Variants in TDRD9 observed in about 807,000 individuals in gnomAD.
TDRD9 encodes tudor domain containing 9, also known as ATP-dependent RNA helicase TDRD9.
TDRD9 carries 124 observed loss-of-function variants against 172.6 expected under a neutral mutation model. The ratio of observed to expected loss-of-function variants is 0.72; its 90% CI spans 0.62 to 0.83. The LOEUF is 0.83. Ranked by LOEUF, TDRD9 falls within the 40% of genes least tolerant of loss-of-function variation. The probability of loss-of-function intolerance (pLI) is 0.00; values close to 1 mark genes in which losing one functional copy is unlikely to be tolerated. For missense variants in TDRD9, 1,479 were observed against 1,714.1 expected (o/e 0.86, Z 2.42); for synonymous variants, 619 against 617.1 (o/e 1.00, Z -0.05).
intron 31 of TDRD9, among the ~76,000 whole-genome samples, chr14:104,034,501 C>G (rs995850566): frequency 6.6e-6 from 1 of 152,168 alleles, no homozygotes; most frequent in African/African-American, 2.4e-5. Context: ...ACGTGCTGTT[C>G]TTTTAGGCCA....
At chr14:103,943,400 CAT>C (rs2031365376) in intron 1 of TDRD9, among the ~76,000 whole-genome samples, 2 of 150,102 alleles carry the variant, frequency 1.3e-5, no homozygotes, top group Non-Finnish European at 1.5e-5. Flanking sequence ...TATATATGTA[CAT>C]ATATGTATAT....
In TDRD9 at chr14:104,022,293, G is replaced by A. The variant is rs2034979313; in HGVS notation, c.2569G>A (p.Val857Met). ...VHSAEEIEGKVQGMNVSKLRN... is the reference protein window; with the variant it reads ...VHSAEEIEGKMQGMNVSKLRN... ...TTCTGCAGAGGAAATTGAAGGGAAG[G>A]TGCAAGGCATGAACGTCTCAAAGCT... Residue 857 changes from valine to methionine, a missense_variant, in exon 24 of 36, where the codon GTG becomes ATG. Coordinates refer to ENST00000409874, the MANE Select transcript of TDRD9 (RefSeq NM_153046.3). 1 of 1,613,762 alleles carries A rather than the reference G, an allele frequency of 6.2e-7. No individual in the cohort carries two copies. Among genetic ancestry groups the A allele is most frequent in the South Asian group, 1.1e-5 (1 of 90,948 alleles).
chr14:104,013,946 T>C (rs2034695295), intron 20 of TDRD9: 1 of 139,010 alleles, frequency 7.2e-6, no homozygotes. Flanking sequence ...AAATAAATTT[T>C]AGGCCAGGCA....
chr14:104,040,262 G>T lies in TDRD9; in HGVS notation c.3783G>T (p.Gly1261=), dbSNP rs1192308402. The change falls in exon 33 of 36, where the codon GGG becomes GGT. Residue 1261 remains glycine, a synonymous_variant. Transcript: ENST00000409874. ...GTTTGGGGTGGAATCCAGCTACAGGGGCTTCCATACTGCCCGAGCACGACA... is the reference window on the plus strand; with the variant it reads ...GTTTGGGGTGGAATCCAGCTACAGGTGCTTCCATACTGCCCGAGCACGACA... ...LCGLGWNPAT[G]ASILPEHDME... The T allele has an allele frequency of 6.4e-7, 1 of 1,551,454 alleles. No individual in the cohort carries two copies. Among genetic ancestry groups the T allele is most frequent in the Admixed American group, 2.0e-5 (1 of 50,972 alleles).
intron 1 of TDRD9, among the ~76,000 whole-genome samples, chr14:103,937,460 C>T (rs2030843336): frequency 6.6e-6 from 1 of 152,210 alleles, no homozygotes; most frequent in African/African-American, 2.4e-5. Context: ...GTAGCTAAAG[C>T]AGCCCTCCCC....
chr14:103,955,715 G>T lies in TDRD9; in HGVS notation c.267G>T (p.Gln89His), dbSNP rs1236120183. 1.9e-6 allele frequency: 3 copies of T among 1,551,384 alleles called. No homozygotes were observed. The highest frequency in any genetic ancestry group is 2.6e-6 in the Non-Finnish European group (3 of 1,146,834). ...TAGAGTATATTAACAAATACAGACA[G>T]CTCGAAGCACAAGAGCTTGATGTGT... Reference protein sequence around the residue: ...SEVEYINKYRQLEAQELDVCR... With the variant: ...SEVEYINKYRHLEAQELDVCR... The change falls in exon 2 of 36, where the codon CAG (glutamine) becomes CAT (histidine). Residue 89 changes from glutamine (Q) to histidine (H), a missense_variant. Around this residue, in one of 3 missense-constraint regions of TDRD9, gnomAD observed 1,413 missense variants for 1,649.1 expected, o/e 0.86. Transcript: ENST00000409874.
At chr14:103,976,349 C>T (rs916950450) in intron 7 of TDRD9, among the ~76,000 whole-genome samples, 2 of 151,862 alleles carry the variant, frequency 1.3e-5, no homozygotes, top group African/African-American at 2.4e-5. Context: ...TCTCAGCTCA[C>T]TGCAAGCTCT....
chr14:103,959,455 C>T (rs1053429106), intron 2 of TDRD9, among the ~76,000 whole-genome samples: 47 of 144,112 alleles, frequency 3.3e-4, no homozygotes, highest in African/African-American at 1.1e-3. Flanking sequence ...GTCAGGTTAT[C>T]GTGTGTGTGT....
chr14:103,986,152 C>T, intron 7 of TDRD9, 65 bp from the exon 8 acceptor site: 1 of 1,189,456 alleles, frequency 8.4e-7, no homozygotes, highest in Non-Finnish European at 1.2e-6. Context: ...CCAGTCCCAT[C>T]CAACGCCAGG....
At chr14:103,937,689 C>T (rs2030861006) in intron 1 of TDRD9, among the ~76,000 whole-genome samples, 1 of 152,098 alleles carries the variant, frequency 6.6e-6, no homozygotes, top group African/African-American at 2.4e-5. Flanking sequence ...ATGGGTGGTG[C>T]TGTCATTTAC....
intron 4 of TDRD9, 38 bp downstream of exon 4, chr14:103,965,592 C>G (rs1291491732): frequency 6.7e-7 from 1 of 1,498,656 alleles, no homozygotes; most frequent in Non-Finnish European, 9.1e-7. Flanking sequence ...AGAGAGCCAG[C>G]TGTCTCTCTA....
intron 32 of TDRD9, among the ~76,000 whole-genome samples, chr14:104,038,263 A>G (rs1295620893): frequency 1.3e-5 from 2 of 152,234 alleles, no homozygotes; most frequent in African/African-American, 2.4e-5. Flanking sequence ...CTAAAAATTA[A>G]TATCTACACT....
At chr14:103,928,924 G>GTTT (rs543255081) in intron 1 of TDRD9, 200 bp downstream of exon 1, 31 of 117,682 alleles carry the variant, frequency 2.6e-4, no homozygotes, top group South Asian at 3.2e-4. Flanking sequence ...TGAGCTAGAG[G>GTTT]TTTTTTTTTT....
intron 28 of TDRD9, among the ~76,000 whole-genome samples, chr14:104,028,881 G>A (rs2035201002): frequency 6.6e-6 from 1 of 152,114 alleles, no homozygotes; most frequent in African/African-American, 2.4e-5. Context: ...GGGGTTTAGT[G>A]TTATTCTTCT....
chr14:103,983,413 C>CT (rs2033556144), intron 7 of TDRD9, among the ~76,000 whole-genome samples: 1 of 152,142 alleles, frequency 6.6e-6, no homozygotes, highest in South Asian at 2.1e-4. Flanking sequence ...TTAATTTACT[C>CT]TAAGTAAAAA....
intron 5 of TDRD9, among the ~76,000 whole-genome samples, chr14:103,970,246 C>G (rs1184064625): frequency 6.6e-6 from 1 of 152,266 alleles, no homozygotes; most frequent in East Asian, 1.9e-4. Context: ...TCACAGTGAC[C>G]TTGGGCACAG....
intron 34 of TDRD9, among the ~76,000 whole-genome samples, chr14:104,045,895 T>C (rs1258460432): frequency 6.6e-6 from 1 of 152,238 alleles, no homozygotes. Flanking sequence ...ATCAAGTTCT[T>C]ATCTTTGTAA....
chr14:104,052,088 T>A lies in TDRD9; in HGVS notation c.*6T>A. ...TGGTTGTGCTCGGCACCTGAGCATG[T>A]CCACAGGTGGCCTCCAGCACACCCC... On this transcript the variant is annotated 3_prime_UTR_variant, in exon 36 of 36. Transcript: ENST00000409874. 1.3e-6 allele frequency: 2 copies of A among 1,559,030 alleles called. No individual in the cohort carries two copies. Among genetic ancestry groups the A allele is most frequent in the Non-Finnish European group, 1.7e-6 (2 of 1,149,956 alleles).
chr14:103,979,945 A>T (rs2033406644), intron 7 of TDRD9, among the ~76,000 whole-genome samples: 1 of 150,302 alleles, frequency 6.7e-6, no homozygotes, highest in South Asian at 2.1e-4. Flanking sequence ...GTGCGATCAT[A>T]GCTCACTGTA....
Sources: gnomAD v4.1 joint callset for allele counts (sites outside exome capture counted in the v4.1 genomes callset) on GRCh38, gnomAD v4.1.1 for gene constraint, gnomAD v4.1.1 regional missense constraint, MANE v1.5 for transcripts, NCBI Gene and HGNC (gene_info 2026-07-23, HGNC 2026-07-21) for gene names.